The following DLGAP1 variants were observed in gnomAD, a reference collection of about 807,000 sequenced individuals.
DLGAP1 encodes the protein disks large-associated protein 1.
A neutral mutation model predicts 90.8 loss-of-function variants in DLGAP1; 11 were observed. The observed-to-expected ratio is 0.12, with a 90% confidence interval of 0.08 to 0.20. DLGAP1 has a LOEUF of 0.20. DLGAP1 is among the 10% of genes least tolerant of loss of function. The probability of loss-of-function intolerance (pLI) is 1.00; values close to 1 mark genes in which losing one functional copy is unlikely to be tolerated. For missense variants in DLGAP1, 1,050 were observed against 1,333.8 expected, an observed-to-expected ratio of 0.79 and a Z score of 3.31; for synonymous variants, 558 against 540.7, an observed-to-expected ratio of 1.03 and a Z score of -0.44.
chr18:3,726,161 G>A (rs1259561915), intron 7 of DLGAP1, among the ~76,000 whole-genome samples: 1 of 152,110 alleles, frequency 6.6e-6, no homozygotes, highest in Non-Finnish European at 1.5e-5. Context: ...AATGAGCAAA[G>A]GAAGAGAGAA....
chr18:3,773,897 G>GT (rs2064816822), intron 5 of DLGAP1, among the ~76,000 whole-genome samples: 1 of 152,174 alleles, frequency 6.6e-6, no homozygotes, highest in South Asian at 2.1e-4. Context: ...AAGTTAAAAA[G>GT]TAACAGGAAG....
intron 2 of DLGAP1, among the ~76,000 whole-genome samples, chr18:4,086,114 G>C (rs1481407663): frequency 6.6e-6 from 1 of 152,184 alleles, no homozygotes; most frequent in African/African-American, 2.4e-5. Flanking sequence ...GACAATCTGA[G>C]CTGTGATAAA....
intron 2 of DLGAP1, among the ~76,000 whole-genome samples, chr18:4,060,845 G>A (rs1465773702): frequency 1.3e-5 from 2 of 152,262 alleles, no homozygotes; most frequent in East Asian, 1.9e-4. Context: ...AAGTCAGAAA[G>A]TCCAAGCATG....
intron 2 of DLGAP1, among the ~76,000 whole-genome samples, chr18:4,086,653 G>A (rs1414976142): frequency 6.6e-6 from 1 of 151,890 alleles, no homozygotes; most frequent in Non-Finnish European, 1.5e-5. Context: ...CGTGGTCTGA[G>A]ACTATACCTT....
At chr18:4,247,497 C>A (rs1239510838) in intron 1 of DLGAP1, among the ~76,000 whole-genome samples, 1 of 152,268 alleles carries the variant, frequency 6.6e-6, no homozygotes, top group South Asian at 2.1e-4. Flanking sequence ...TATCCCAGGC[C>A]GGGTGCAGTG....
intron 1 of DLGAP1, among the ~76,000 whole-genome samples, chr18:4,216,968 A>G (rs891850253): frequency 2.6e-5 from 4 of 152,068 alleles, no homozygotes; most frequent in African/African-American, 9.7e-5. Context: ...AATGTTATGT[A>G]TCCATTGTTA....
rs192841709 is a variant in DLGAP1 at position 3,720,419 on chromosome 18, T to C, written c.1591+8716A>G. Among the ~76,000 whole-genome samples, 39 of 152,348 alleles carry C rather than the reference T, an allele frequency of 2.6e-4. 2 individuals are homozygous for C. The highest frequency in any genetic ancestry group is 2.5e-3 in the Admixed American group (38 of 15,304). On this transcript the variant is annotated intron_variant, in intron 7 of 12. Transcript: ENST00000315677. Reference sequence around the variant, plus strand: ...AAAATAAATGTGAGACTGTTTCAAATGCCGTTATAGTAAAATCATGGTACT... The same window carrying C: ...AAAATAAATGTGAGACTGTTTCAAACGCCGTTATAGTAAAATCATGGTACT...
chr18:3,669,122 A>G (rs1429927864), intron 7 of DLGAP1, among the ~76,000 whole-genome samples: 1 of 115,506 alleles, frequency 8.7e-6, no homozygotes, highest in Non-Finnish European at 2.1e-5. Flanking sequence ...TAAATGTTGT[A>G]CAATTTCAGT....
At chr18:4,448,047 A>G (rs560398127) in intron 1 of DLGAP1, among the ~76,000 whole-genome samples, 25 of 152,316 alleles carry the variant, frequency 1.6e-4, no homozygotes, top group African/African-American at 4.3e-4. Context: ...GAACATGCCA[A>G]GTTCATTTGC....
rs55840615 is a variant in DLGAP1, at chr18:4,368,636, T to TAC, written c.-267+86368_-267+86369dup. ...TTAAAATCTCTCTCTCTCTCTCTCATACACACACACACACACACACACACA... is the reference window on the plus strand; with the variant it reads ...TTAAAATCTCTCTCTCTCTCTCTCATACACACACACACACACACACACACACA... On this transcript the variant is annotated intron_variant, in intron 1 of 12. Transcript: ENST00000315677. 6.2e-3 allele frequency among the ~76,000 whole-genome samples: 840 copies of TAC among 135,004 alleles called. 8 individuals carry two copies. The highest frequency in any genetic ancestry group is 0.015 in the African/African-American group (524 of 35,410). The allele number at this position is 135,004 out of a possible 152,430, so 88.6% of individuals were successfully genotyped here. A position where few individuals can be genotyped will look rare whatever the true frequency, so the allele number is the denominator to read the frequency against.
chr18:3,871,014 A>G (rs2070719158), intron 4 of DLGAP1, among the ~76,000 whole-genome samples: 1 of 152,202 alleles, frequency 6.6e-6, no homozygotes, highest in African/African-American at 2.4e-5. Flanking sequence ...TCTAACTTTC[A>G]GATAATGTCG....
At chr18:3,756,276 C>T (rs538957197) in intron 5 of DLGAP1, among the ~76,000 whole-genome samples, 35 of 152,188 alleles carry the variant, frequency 2.3e-4, no homozygotes, top group Admixed American at 6.5e-4. Context: ...GTCTCGATCT[C>T]CTGACCTTGT....
intron 1 of DLGAP1, among the ~76,000 whole-genome samples, chr18:4,444,691 T>C (rs1233857220): frequency 6.6e-6 from 1 of 152,214 alleles, no homozygotes; most frequent in Non-Finnish European, 1.5e-5. Flanking sequence ...AATTTTTAAA[T>C]TCTTTACTTG....
rs967644858 is a variant in DLGAP1 at position 3,620,336 on chromosome 18, G to C, written c.1592-38088C>G. On this transcript the variant is annotated intron_variant, in intron 7 of 12. Coordinates refer to ENST00000315677, the MANE Select transcript of DLGAP1 (RefSeq NM_004746.4). ...AGCCAAGGAACACAGGCAGCCTCTA[G>C]AAGCCCGAAAAGGACACAGATTCTC... 2.6e-5 allele frequency among the ~76,000 whole-genome samples: 4 copies of C among 151,976 alleles called. 1 individual carries two copies. In the East Asian group the frequency reaches 7.8e-4, roughly 29 times the overall value.
At chr18:3,894,730 T>C (rs1166309749) in intron 3 of DLGAP1, 2 of 152,226 alleles carry the variant, frequency 1.3e-5, no homozygotes, top group African/African-American at 2.4e-5. Flanking sequence ...AATTTGCATG[T>C]CATCCTTGTG....
intron 7 of DLGAP1, among the ~76,000 whole-genome samples, chr18:3,674,287 T>G (rs2060205914): frequency 1.8e-5 from 1 of 56,118 alleles, no homozygotes. Flanking sequence ...CTTGTCTCTA[T>G]AATATTAAAA....
intron 3 of DLGAP1, among the ~76,000 whole-genome samples, chr18:3,918,563 G>C (rs887196443): frequency 6.6e-6 from 1 of 152,112 alleles, no homozygotes; most frequent in African/African-American, 2.4e-5. Flanking sequence ...TTGGATTCAG[G>C]AACTAGAGGT....
At chr18:4,105,837 T>C (rs1369802998) in intron 2 of DLGAP1, among the ~76,000 whole-genome samples, 2 of 151,874 alleles carry the variant, frequency 1.3e-5, no homozygotes, top group East Asian at 2.0e-4. Flanking sequence ...GAGACCATCC[T>C]GGCTAACACG....
At chr18:4,439,445 A>G (rs1462733445) in intron 1 of DLGAP1, among the ~76,000 whole-genome samples, 1 of 152,232 alleles carries the variant, frequency 6.6e-6, no homozygotes, top group East Asian at 1.9e-4. Flanking sequence ...AAGAAGTTCT[A>G]TGCTAAACAG....
Sources: allele counts gnomAD v4.1 joint callset (sites outside exome capture counted in the v4.1 genomes callset), GRCh38; gene constraint gnomAD v4.1.1; transcripts MANE v1.5; gene names NCBI Gene and HGNC (gene_info 2026-07-23, HGNC 2026-07-21).